The following SYNE2 variants were observed in gnomAD, a reference collection of about 807,000 sequenced individuals.
SYNE2 encodes the protein spectrin repeat containing nuclear envelope protein 2.
SYNE2 carries 431 observed loss-of-function variants against 856.3 expected under a neutral mutation model. The ratio of observed to expected loss-of-function variants is 0.50; its 90% confidence interval spans 0.47 to 0.55. The LOEUF (loss-of-function observed/expected upper bound fraction) is 0.55. SYNE2 is among the 20% of genes least tolerant of loss of function. The pLI is 0.00. For synonymous variants in SYNE2, 2,923 were observed against 2,872.3 expected (o/e 1.02, Z -0.56); for missense variants, 8,129 against 8,023.2 (o/e 1.01, Z -0.50).
chr14:64,037,874 G>C (rs1309293278), intron 45 of SYNE2, among the ~76,000 whole-genome samples: 2 of 151,166 alleles, frequency 1.3e-5, no homozygotes, highest in East Asian at 4.0e-4. Context: ...CGGACGGGGC[G>C]GCTGGCCGGG....
At position 64,141,339 on chromosome 14, in the gene SYNE2, A is replaced by T. The variant is rs1188148314; in HGVS notation, c.14977-2A>T. Reference sequence around the variant, plus strand: ...TTTCTAAATTTTAAAACTCTCCTTTAGGAGTTTTCAAAAGAAGTTGATGAA... The same window carrying T: ...TTTCTAAATTTTAAAACTCTCCTTTTGGAGTTTTCAAAAGAAGTTGATGAA... On this transcript the variant is annotated splice_acceptor_variant, in intron 80 of 115. Coordinates refer to ENST00000555002, the MANE Select transcript of SYNE2 (RefSeq NM_182914.3). LOFTEE classifies it high-confidence loss of function. The T allele has an allele frequency of 6.2e-7, 1 of 1,612,224 alleles. No individual in the cohort carries two copies.
chr14:64,121,296 A>C (rs1174348079), intron 68 of SYNE2, among the ~76,000 whole-genome samples: 1 of 152,048 alleles, frequency 6.6e-6, no homozygotes, highest in African/African-American at 2.4e-5. Flanking sequence ...TGAGGCAGGC[A>C]GATCATTTGA....
intron 1 of SYNE2, among the ~76,000 whole-genome samples, chr14:63,903,984 C>A (rs1250449028): frequency 2.0e-5 from 3 of 152,104 alleles, no homozygotes; most frequent in Non-Finnish European, 4.4e-5. Context: ...TCCCTTCACC[C>A]CTCTGGAAGT....
intron 65 of SYNE2, among the ~76,000 whole-genome samples, chr14:64,109,671 A>G (rs186379079): frequency 3.3e-5 from 5 of 152,220 alleles, no homozygotes; most frequent in Non-Finnish European, 5.9e-5. Flanking sequence ...CCTTTACTAC[A>G]GGAGGAATTT....
rs189663697 is a variant in SYNE2, at chr14:63,959,863, A to T, written c.788-1662A>T. ...ATTATTAGTATAAAATATTTTCTCC[A>T]TTTTTGTATGTACAAATAACCAGGC... On this transcript the variant is annotated intron_variant, in intron 8 of 115. Coordinates refer to ENST00000555002, the MANE Select transcript of SYNE2 (RefSeq NM_182914.3). Among the ~76,000 whole-genome samples the T allele has an allele frequency of 7.2e-5, 11 of 152,068 alleles. 1 individual carries two copies. Among genetic ancestry groups the T allele is most frequent in the African/African-American group, 2.2e-4 (9 of 41,494 alleles).
At chr14:64,056,700 C>A (rs188780203) in intron 49 of SYNE2, among the ~76,000 whole-genome samples, 1 of 149,600 alleles carries the variant, frequency 6.7e-6, no homozygotes, top group Admixed American at 6.7e-5. Context: ...GACAAAGTTT[C>A]GCTTTTGTTG....
At chr14:63,823,699 TA>T (rs1196081208) in intron 1 of SYNE2, among the ~76,000 whole-genome samples, 1 of 151,354 alleles carries the variant, frequency 6.6e-6, no homozygotes. Flanking sequence ...GCAATGGCCC[TA>T]TCTCAACTCA....
chr14:64,036,156 G>A (rs371741437), intron 45 of SYNE2, among the ~76,000 whole-genome samples: 1 of 150,882 alleles, frequency 6.6e-6, no homozygotes, highest in Admixed American at 6.6e-5. Flanking sequence ...TATAATCCTG[G>A]CATTTGTTTC....
chr14:64,214,335 G>A lies in SYNE2; in HGVS notation c.19198G>A (p.Gly6400Arg), dbSNP rs1173059424. 1 of 1,614,134 alleles carries A rather than the reference G, an allele frequency of 6.2e-7. No individual in the cohort carries two copies. The highest frequency in any genetic ancestry group is 8.5e-7 in the Non-Finnish European group (1 of 1,180,022). Residue 6400 changes from glycine to arginine, a missense_variant, in exon 106 of 116, where the codon GGG becomes AGG. Coordinates refer to ENST00000555002, the MANE Select transcript of SYNE2 (RefSeq NM_182914.3). ...GTCCCTGTGTCATCTAGTGGCCCCAGGGCACGAGCGGTCTGGCTGCGAGAC... is the reference window on the plus strand; with the variant it reads ...GTCCCTGTGTCATCTAGTGGCCCCAAGGCACGAGCGGTCTGGCTGCGAGAC... Reference protein sequence around the residue: ...PQSLCHLVAPGHERSGCETPV... With the variant: ...PQSLCHLVAPRHERSGCETPV...
chr14:64,138,956 T>TATG (rs1464182987), intron 79 of SYNE2, among the ~76,000 whole-genome samples: 204 of 109,270 alleles, frequency 1.9e-3, no homozygotes, highest in African/African-American at 7.0e-3. Context: ...GGTGTGTGTG[T>TATG]GTGTGTGTGT....
intron 14 of SYNE2, among the ~76,000 whole-genome samples, chr14:63,980,251 G>A (rs781609682): frequency 5.9e-5 from 9 of 152,058 alleles, no homozygotes; most frequent in African/African-American, 9.7e-5. Context: ...TTTTTGTAAC[G>A]TACGCTAATA....
chr14:64,021,384 C>A lies in SYNE2; in HGVS notation c.5221C>A (p.His1741Asn). The change falls in exon 36 of 116, where the codon CAT becomes AAT. Residue 1741 changes from histidine to asparagine, a missense_variant. Coordinates refer to ENST00000555002, the MANE Select transcript of SYNE2 (RefSeq NM_182914.3). Reference protein sequence around the residue: ...QKCLTGESNCHALSGSTAELR... With the variant: ...QKCLTGESNCNALSGSTAELR... Reference sequence around the variant, plus strand: ...GTGCTTAACAGGAGAATCCAACTGCCATGCACTCAGTGGCAGCACTGCTGA... The same window carrying A: ...GTGCTTAACAGGAGAATCCAACTGCAATGCACTCAGTGGCAGCACTGCTGA... 6.2e-7 allele frequency: 1 copy of A among 1,614,054 alleles called. No individual in the cohort carries two copies. The highest frequency in any genetic ancestry group is 1.1e-5 in the South Asian group (1 of 91,076).
intron 1 of SYNE2, among the ~76,000 whole-genome samples, chr14:63,857,245 C>A (rs187718132): frequency 6.6e-6 from 1 of 152,264 alleles, no homozygotes; most frequent in East Asian, 1.9e-4. Context: ...AGTAAGTTCT[C>A]TTCTTTGCCT....
At chr14:64,021,627 C>T in intron 36 of SYNE2, 112 bp downstream of exon 36, 1 of 1,348,356 alleles carries the variant, frequency 7.4e-7, no homozygotes, top group Non-Finnish European at 1.0e-6. Flanking sequence ...AAGAAGAAAA[C>T]TCAGAAAAAC....
chr14:63,852,922 G>C (rs1295693932), upstream of SYNE2: 1 of 151,870 alleles, frequency 6.6e-6, no homozygotes, highest in Non-Finnish European at 1.5e-5. Context: ...GGGCGAGCGC[G>C]GGACCCGGAG....
At chr14:63,862,304 C>T (rs1278426010) in intron 1 of SYNE2, among the ~76,000 whole-genome samples, 7 of 152,164 alleles carry the variant, frequency 4.6e-5, no homozygotes, top group African/African-American at 1.2e-4. Flanking sequence ...GTTGTTGAGG[C>T]GAAGTCTCGC....
intron 30 of SYNE2, among the ~76,000 whole-genome samples, chr14:64,005,702 C>T (rs2096790924): frequency 6.6e-6 from 1 of 152,178 alleles, no homozygotes; most frequent in African/African-American, 2.4e-5. Flanking sequence ...ATCAATAAGA[C>T]ACTTAAAAAT....
rs79836542 is a variant in SYNE2, at chr14:64,097,847, G to A, written c.12109-102G>A. 52,544 of 1,192,702 alleles carry A rather than the reference G, an allele frequency of 0.044. 1,847 individuals carry two copies. Among genetic ancestry groups the A allele is most frequent in the African/African-American group, 0.15 (10,060 of 66,144 alleles). 73.9% of individuals were successfully genotyped at this position (1,192,702 alleles called of 1,614,324 possible). A position where few individuals can be genotyped will look rare whatever the true frequency, so the allele number is the denominator to read the frequency against. ...AGCTTCTGGCTTTGTAAACCAAATA[G>A]CAAAGAAAAATCTTCAGCCCTTGTA... On this transcript the variant is annotated intron_variant, in intron 61 of 115. Transcript: ENST00000555002.
chr14:63,966,297 T>A (rs1250039192), intron 10 of SYNE2, among the ~76,000 whole-genome samples: 1 of 151,914 alleles, frequency 6.6e-6, no homozygotes, highest in East Asian at 1.9e-4. Context: ...CGTGGATCAT[T>A]TGAACCCGGG....
Sources: gnomAD v4.1 joint callset for allele counts (sites outside exome capture counted in the v4.1 genomes callset) on GRCh38, gnomAD v4.1.1 for gene constraint, MANE v1.5 for transcripts, NCBI Gene and HGNC (gene_info 2026-07-23, HGNC 2026-07-21) for gene names.